SPAG16: variants seen among roughly 807,000 people sequenced by gnomAD.
The protein encoded by SPAG16 is sperm-associated antigen 16 protein.
A neutral mutation model predicts 80.4 loss-of-function variants in SPAG16; 86 were observed. The ratio of observed to expected loss-of-function variants is 1.07; its 90% CI spans 0.90 to 1.28. The LOEUF (loss-of-function observed/expected upper bound fraction) is 1.28, where lower values mean the gene tolerates loss of function less well. SPAG16 is among the 50% of genes most tolerant of loss of function. The probability of loss-of-function intolerance (pLI) is 0.00; values close to 1 mark genes in which losing one functional copy is unlikely to be tolerated. For missense variants in SPAG16, 870 were observed against 765.3 expected (o/e 1.14, Z -1.61); for synonymous variants, 294 against 265.9 (o/e 1.11, Z -1.03).
At chr2:213,650,600 A>G (rs937883407) in intron 10 of SPAG16, among the ~76,000 whole-genome samples, 1 of 152,202 alleles carries the variant, frequency 6.6e-6, no homozygotes, top group African/African-American at 2.4e-5. Context: ...TGTTCATATA[A>G]CTAAGGAAGA....
intron 9 of SPAG16, among the ~76,000 whole-genome samples, chr2:213,469,601 G>C (rs1309127675): frequency 8.0e-6 from 1 of 124,516 alleles, no homozygotes; most frequent in African/African-American, 2.8e-5. Context: ...TTTTTTCCTG[G>C]TGGAATGACC....
chr2:213,806,934 C>T (rs1448766799), intron 10 of SPAG16, among the ~76,000 whole-genome samples: 4 of 152,080 alleles, frequency 2.6e-5, no homozygotes, highest in South Asian at 2.1e-4. Context: ...CTAATTAATG[C>T]GTGTTTTCAA....
chr2:213,701,867 C>T (rs898156376), intron 10 of SPAG16, among the ~76,000 whole-genome samples: 1 of 152,060 alleles, frequency 6.6e-6, no homozygotes, highest in African/African-American at 2.4e-5. Context: ...ATTGTAAACA[C>T]ACCAAGCAGC....
chr2:213,384,340 T>A (rs924772400), intron 9 of SPAG16, among the ~76,000 whole-genome samples: 1 of 152,216 alleles, frequency 6.6e-6, no homozygotes, highest in African/African-American at 2.4e-5. Context: ...ATACCAAGTA[T>A]GTTCTTTCAA....
At chr2:214,017,575 A>G (rs1281466546) in intron 13 of SPAG16, among the ~76,000 whole-genome samples, 1 of 152,126 alleles carries the variant, frequency 6.6e-6, no homozygotes, top group South Asian at 2.1e-4. Context: ...GTTTCCTCTC[A>G]TATATATCTG....
Position 214,075,526 on chromosome 2 carries a change from C to T in SPAG16, c.1528-32670C>T, listed in dbSNP as rs115943599. Among the ~76,000 whole-genome samples, 541 of 152,252 alleles carry T rather than the reference C, an allele frequency of 3.6e-3. 4 individuals carry two copies. Among genetic ancestry groups the T allele is most frequent in the Middle Eastern group, 0.014 (4 of 294 alleles). On this transcript the variant is annotated intron_variant, in intron 13 of 15. Coordinates refer to ENST00000331683, the MANE Select transcript of SPAG16 (RefSeq NM_024532.5). ...TTTTCACTTGACATAAACTCACCAA[C>T]TTAAACGCTTGTGATTTCAGCACTT...
intron 13 of SPAG16, among the ~76,000 whole-genome samples, chr2:214,074,883 C>T (rs760884823): frequency 6.6e-6 from 1 of 151,980 alleles, no homozygotes; most frequent in Non-Finnish European, 1.5e-5. Flanking sequence ...CAGCAGATAA[C>T]GCAAACTGTT....
chr2:214,164,855 A>G (rs1052627158), intron 15 of SPAG16, among the ~76,000 whole-genome samples: 27 of 152,280 alleles, frequency 1.8e-4, no homozygotes, highest in Non-Finnish European at 3.8e-4. Context: ...ACAGTATAAA[A>G]TGGTGTAGAA....
In SPAG16 at chr2:214,018,749, T is replaced by C. The variant is rs570566612; in HGVS notation, c.1527+4672T>C. ...GATCAGTTACTATTGAGACACCCTC[T>C]GAAATATTTTTTGATGAAATGTGAA... On this transcript the variant is annotated intron_variant, in intron 13 of 15. Coordinates refer to ENST00000331683, the MANE Select transcript of SPAG16 (RefSeq NM_024532.5). Among the ~76,000 whole-genome samples the C allele has an allele frequency of 2.6e-5, 4 of 152,312 alleles. No homozygotes were observed. In the South Asian group the frequency reaches 8.3e-4, roughly 32 times the overall value.
intron 15 of SPAG16, among the ~76,000 whole-genome samples, chr2:214,297,644 C>T (rs1028980008): frequency 2.6e-5 from 4 of 151,836 alleles, no homozygotes; most frequent in African/African-American, 4.8e-5. Flanking sequence ...ATAAGTTGGT[C>T]GTACATATGT....
chr2:213,381,975 T>G (rs2067198515), intron 9 of SPAG16, among the ~76,000 whole-genome samples: 1 of 152,212 alleles, frequency 6.6e-6, no homozygotes, highest in Admixed American at 6.5e-5. Flanking sequence ...GGAAGACTTG[T>G]AATCCAGTGA....
chr2:213,439,550 A>G (rs980825949), intron 9 of SPAG16, among the ~76,000 whole-genome samples: 3 of 152,208 alleles, frequency 2.0e-5, no homozygotes, highest in Non-Finnish European at 2.9e-5. Context: ...CCTGGATGAA[A>G]GGAAATTTCT....
chr2:213,391,033 G>A (rs1212068983), intron 9 of SPAG16, among the ~76,000 whole-genome samples: 1 of 152,142 alleles, frequency 6.6e-6, no homozygotes, highest in Admixed American at 6.6e-5. Flanking sequence ...ACTTTGGGAG[G>A]CCAAGGTGGG....
intron 9 of SPAG16, among the ~76,000 whole-genome samples, chr2:213,476,057 T>G (rs1331317342): frequency 6.6e-6 from 1 of 152,216 alleles, no homozygotes; most frequent in Non-Finnish European, 1.5e-5. Context: ...ATCCCCCTGT[T>G]TCTAAGAATA....
chr2:213,678,470 A>G (rs951177652), intron 10 of SPAG16, among the ~76,000 whole-genome samples: 3 of 152,218 alleles, frequency 2.0e-5, no homozygotes, highest in African/African-American at 4.8e-5. Flanking sequence ...ACAAACTACC[A>G]TCAGAGAATA....
At chr2:213,402,750 A>G (rs527938252) in intron 9 of SPAG16, among the ~76,000 whole-genome samples, 43 of 152,342 alleles carry the variant, frequency 2.8e-4, no homozygotes, top group Admixed American at 3.9e-4. Flanking sequence ...TACAGAGGAC[A>G]TGAACTCATC....
At chr2:214,203,594 T>C (rs982858199) in intron 15 of SPAG16, among the ~76,000 whole-genome samples, 3 of 152,236 alleles carry the variant, frequency 2.0e-5, no homozygotes, top group Non-Finnish European at 4.4e-5. Context: ...GATTTGACCT[T>C]ACCTGGAGCT....
chr2:214,275,207 C>A (rs927466752), intron 15 of SPAG16, among the ~76,000 whole-genome samples: 1 of 152,118 alleles, frequency 6.6e-6, no homozygotes, highest in Non-Finnish European at 1.5e-5. Flanking sequence ...ATTAGTCTTG[C>A]TAGCAGTCTA....
intron 4 of SPAG16, among the ~76,000 whole-genome samples, chr2:213,314,173 C>CAA (rs1244875662): frequency 6.6e-6 from 1 of 151,766 alleles, no homozygotes; most frequent in East Asian, 1.9e-4. Flanking sequence ...ATATATTCTC[C>CAA]ATTTCTACAT....
Sources: allele counts gnomAD v4.1 joint callset (sites outside exome capture counted in the v4.1 genomes callset), GRCh38; gene constraint gnomAD v4.1.1; transcripts MANE v1.5; gene names NCBI Gene and HGNC (gene_info 2026-07-23, HGNC 2026-07-21).